The following RNF8 variants were observed in gnomAD, a reference collection of about 807,000 sequenced individuals.
RNF8 encodes ring finger protein 8, also known as E3 ubiquitin-protein ligase RNF8.
Under a neutral mutation model 59.3 loss-of-function variants are expected in RNF8, and 8 were observed. The ratio of observed to expected loss-of-function variants is 0.13; its 90% CI spans 0.08 to 0.24. RNF8 has a LOEUF of 0.24. Among genes scored for constraint, RNF8 ranks in the 10% least tolerant of loss-of-function variants. The probability of loss-of-function intolerance (pLI) is 1.00; values close to 1 mark genes in which losing one functional copy is unlikely to be tolerated. For synonymous variants in RNF8, 162 were observed against 200.0 expected, an observed-to-expected ratio of 0.81 and a Z score of 1.60; for missense variants, 406 against 572.6, an observed-to-expected ratio of 0.71 and a Z score of 2.97.
intron 7 of RNF8, among the ~76,000 whole-genome samples, chr6:37,383,863 C>A (rs1323073028): frequency 6.6e-6 from 1 of 151,934 alleles, no homozygotes; most frequent in Non-Finnish European, 1.5e-5. Flanking sequence ...TTTTGAAATC[C>A]CCTATAGAGT....
intron 7 of RNF8, among the ~76,000 whole-genome samples, chr6:37,382,156 T>C (rs1241041875): frequency 6.6e-6 from 1 of 152,194 alleles, no homozygotes; most frequent in Non-Finnish European, 1.5e-5. Flanking sequence ...ATCTCAGCCC[T>C]TACGGCACAA....
chr6:37,359,446 T>G (rs1769236004), intron 1 of RNF8: 1 of 198,472 alleles, frequency 5.0e-6, no homozygotes, highest in African/African-American at 2.3e-5. Flanking sequence ...GAAGGCATCA[T>G]CTCATAAATT....
chr6:37,368,384 C>A (rs775526825), intron 2 of RNF8, 100 bp from the exon 3 acceptor site: 44 of 1,608,754 alleles, frequency 2.7e-5, no homozygotes, highest in Non-Finnish European at 3.5e-5. Flanking sequence ...CAAGAGTTTT[C>A]CTTCTGAAAA....
At chr6:37,381,019 C>G in intron 6 of RNF8, 131 bp from the exon 7 acceptor site, 1 of 793,320 alleles carries the variant, frequency 1.3e-6, no homozygotes, top group Non-Finnish European at 2.1e-6. Context: ...TTTATAAGCC[C>G]TTAAGATGGG....
intron 7 of RNF8, among the ~76,000 whole-genome samples, chr6:37,385,320 T>C (rs1271762921): frequency 6.6e-6 from 1 of 151,156 alleles, no homozygotes; most frequent in African/African-American, 2.4e-5. Context: ...GCTCTTAAGA[T>C]TTTTTTACTT....
At chr6:37,381,600 G>C (rs182915969) in intron 7 of RNF8, among the ~76,000 whole-genome samples, 131 of 152,228 alleles carry the variant, frequency 8.6e-4, no homozygotes, top group African/African-American at 3.0e-3. Context: ...CCTTGGTTGT[G>C]GGGGGATAAA....
chr6:37,354,570 G>A (rs1411289137), intron 1 of RNF8, among the ~76,000 whole-genome samples: 1 of 152,168 alleles, frequency 6.6e-6, no homozygotes, highest in East Asian at 1.9e-4. Context: ...GGGGCCACAA[G>A]GGTTGGGGCG....
intron 7 of RNF8, 45 bp from the exon 8 acceptor site, chr6:37,390,697 A>G (rs747913892): frequency 1.4e-6 from 2 of 1,475,960 alleles, no homozygotes; most frequent in South Asian, 2.3e-5. Context: ...ACGGAAGGGA[A>G]ATACAGGCTC....
chr6:37,376,966 T>C lies in RNF8; in HGVS notation c.1169T>C (p.Leu390Pro). The C allele has an allele frequency of 6.2e-7, 1 of 1,613,476 alleles. No individual in the cohort carries two copies. The highest frequency in any genetic ancestry group is 1.7e-4 in the Middle Eastern group (1 of 6,058). Residue 390 changes from leucine to proline, a missense_variant, in exon 6 of 8, where the codon CTT (leucine) becomes CCT (proline). Around this residue, in one of 3 missense-constraint regions of RNF8, gnomAD observed 59 missense variants for 118.5 expected, o/e 0.50. Transcript: ENST00000373479. ...EKMQAQKEEV[L>P]SHMNDVLENE... ...ATGCAAGCACAGAAGGAAGAAGTTC[T>C]TAGCCACATGAATGATGTGCTAGAG...
At chr6:37,366,520 G>A (rs1174603464) in intron 2 of RNF8, among the ~76,000 whole-genome samples, 2 of 152,212 alleles carry the variant, frequency 1.3e-5, no homozygotes, top group Non-Finnish European at 2.9e-5. Flanking sequence ...AATGCACAGT[G>A]GGTTAAGACT....
At position 37,369,221 on chromosome 6, in the gene RNF8, AC is replaced by A. The variant is rs763704553; in HGVS notation, c.975+5del. On this transcript the variant is annotated splice_donor_region_variant and intron_variant, in intron 3 of 7. Coordinates refer to ENST00000373479, the MANE Select transcript of RNF8 (RefSeq NM_003958.4). ...AGGAAGAGGAACAGCATCTTCAGGT[AC>A]CACACAGAAGGGAAGGGCAAGAGTG... is the stretch of plus-strand genomic sequence containing the variant. 7 of 1,604,002 alleles carry A rather than the reference AC, an allele frequency of 4.4e-6. No individual in the cohort carries two copies. In the Admixed American group the frequency reaches 1.0e-4, roughly 24 times the overall value.
At chr6:37,375,320 ATCT>A (rs1769969174) in intron 5 of RNF8, among the ~76,000 whole-genome samples, 1 of 152,176 alleles carries the variant, frequency 6.6e-6, no homozygotes, top group Non-Finnish European at 1.5e-5. Context: ...GTGTTGTCAG[ATCT>A]TCTGATTTTT....
intron 7 of RNF8, among the ~76,000 whole-genome samples, chr6:37,390,355 AG>A (rs1770676836): frequency 6.6e-6 from 1 of 152,198 alleles, no homozygotes; most frequent in Admixed American, 6.5e-5. Context: ...GAACTATTTG[AG>A]GGAAGCTCTG....
At chr6:37,361,452 C>A in intron 2 of RNF8, 1 of 427,298 alleles carries the variant, frequency 2.3e-6, no homozygotes. Context: ...CACTGCACTC[C>A]AGTGTGGCTG....
intron 6 of RNF8, 28 bp downstream of exon 6, chr6:37,377,061 CT>C (rs35985063): frequency 0.075 from 19,075 of 254,588 alleles, 1 homozygote; most frequent in South Asian, 0.1. Context: ...CTCACCCCTT[CT>C]TTTTTTTTTT....
At chr6:37,355,047 G>C (rs1023299234) in intron 1 of RNF8, among the ~76,000 whole-genome samples, 5 of 152,180 alleles carry the variant, frequency 3.3e-5, no homozygotes, top group Non-Finnish European at 5.9e-5. Flanking sequence ...GTTCTCTCCA[G>C]AGGCTGCCTG....
chr6:37,389,431 TG>T (rs1269079858), intron 7 of RNF8, among the ~76,000 whole-genome samples: 1 of 151,774 alleles, frequency 6.6e-6, no homozygotes, highest in Non-Finnish European at 1.5e-5. Context: ...GTGACTAAGA[TG>T]GGGAGGACCA....
rs971715375 is a variant in RNF8 at position 37,360,869 on chromosome 6, AG to A, written c.240+297del. 6.6e-6 allele frequency among the ~76,000 whole-genome samples: 1 copy of A among 152,126 alleles called. No individual in the cohort carries two copies. Among genetic ancestry groups the A allele is most frequent in the African/African-American group, 2.4e-5 (1 of 41,424 alleles). ...GTTACTGGGCAAATAAGCCTGTTTG[AG>A]GTGAAGCTCCCAGAGACCCTGGGAA... On this transcript the variant is annotated intron_variant, in intron 2 of 7. Coordinates refer to ENST00000373479, the MANE Select transcript of RNF8 (RefSeq NM_003958.4). The surrounding 1 kb of genome is among the most constrained non-coding windows in gnomAD (Gnocchi z 4.2).
intron 7 of RNF8, among the ~76,000 whole-genome samples, chr6:37,389,865 C>T (rs1051935585): frequency 6.6e-6 from 1 of 151,908 alleles, no homozygotes; most frequent in Non-Finnish European, 1.5e-5. Context: ...GCCCCAAGGC[C>T]CACCACCTCA....
Sources: allele counts gnomAD v4.1 joint callset (sites outside exome capture counted in the v4.1 genomes callset), GRCh38; gene constraint gnomAD v4.1.1; regional missense constraint gnomAD v4.1.1; non-coding constraint Gnocchi (gnomAD v3.1); transcripts MANE v1.5; gene names NCBI Gene and HGNC (gene_info 2026-07-23, HGNC 2026-07-21).